GRIN2A: variants seen among roughly 807,000 people sequenced by gnomAD.
GRIN2A encodes glutamate ionotropic receptor NMDA type subunit 2A.
Under a neutral mutation model 113.4 loss-of-function variants are expected in GRIN2A, and 22 were observed. The observed-to-expected ratio is 0.19, with a 90% CI of 0.14 to 0.28. The LOEUF (loss-of-function observed/expected upper bound fraction) is 0.28. Ranked by LOEUF, GRIN2A falls within the 10% of genes least tolerant of loss-of-function variation. GRIN2A has a pLI of 1.00. For synonymous variants in GRIN2A, 827 were observed against 738.4 expected, an observed-to-expected ratio of 1.12 and a Z score of -1.94; for missense variants, 1,502 against 1,887.0, an observed-to-expected ratio of 0.80 and a Z score of 3.78.
In GRIN2A at chr16:9,909,972, C is replaced by T. The variant is rs182314387; in HGVS notation, c.1008-18872G>A. On this transcript the variant is annotated intron_variant, in intron 3 of 12. Coordinates refer to ENST00000330684, the MANE Select transcript of GRIN2A (RefSeq NM_001134407.3). ...TAAACGGAATCATACACTATGTGGCCTTTTGTGCCTGGCCTCTTTCACGTA... is the reference window on the plus strand; with the variant it reads ...TAAACGGAATCATACACTATGTGGCTTTTTGTGCCTGGCCTCTTTCACGTA... Among the ~76,000 whole-genome samples the T allele has an allele frequency of 2.6e-5, 4 of 152,140 alleles. No homozygotes were observed. The East Asian group carries it at 7.7e-4, about 29-fold the overall frequency.
chr16:10,124,970 G>A (rs1183920638), intron 2 of GRIN2A, among the ~76,000 whole-genome samples: 1 of 152,168 alleles, frequency 6.6e-6, no homozygotes, highest in Non-Finnish European at 1.5e-5. Context: ...AGGGAACCAT[G>A]AGGACAAAGC....
At chr16:9,845,085 C>T (rs2042748680) in intron 5 of GRIN2A, among the ~76,000 whole-genome samples, 1 of 152,010 alleles carries the variant, frequency 6.6e-6, no homozygotes, top group Non-Finnish European at 1.5e-5. Flanking sequence ...TTAGTGGATC[C>T]TAGCAATTCT....
At chr16:10,050,138 A>G (rs990116904) in intron 2 of GRIN2A, among the ~76,000 whole-genome samples, 1 of 152,212 alleles carries the variant, frequency 6.6e-6, no homozygotes, top group Non-Finnish European at 1.5e-5. Context: ...GTTTGGCCCA[A>G]TGTAATCAGA....
intron 2 of GRIN2A, among the ~76,000 whole-genome samples, chr16:10,113,664 C>T (rs1188414788): frequency 6.6e-6 from 1 of 152,054 alleles, no homozygotes; most frequent in Non-Finnish European, 1.5e-5. Context: ...AAATTGTGTG[C>T]AATTACAAAT....
intron 2 of GRIN2A, among the ~76,000 whole-genome samples, chr16:10,047,894 C>T (rs1199507233): frequency 4.6e-5 from 7 of 152,152 alleles, no homozygotes; most frequent in Non-Finnish European, 1.0e-4. Flanking sequence ...CAGTTCACCA[C>T]CTTGGTATCT....
intron 2 of GRIN2A, among the ~76,000 whole-genome samples, chr16:9,948,263 C>T (rs556256270): frequency 2.6e-5 from 4 of 152,198 alleles, no homozygotes; most frequent in Non-Finnish European, 5.9e-5. Flanking sequence ...TCCCATTCTA[C>T]AGTTAAGGAA....
At chr16:9,986,982 C>G (rs536239973) in intron 2 of GRIN2A, among the ~76,000 whole-genome samples, 7 of 152,206 alleles carry the variant, frequency 4.6e-5, no homozygotes, top group African/African-American at 1.7e-4. Context: ...CCTTCCAGCA[C>G]CACTGAATCA....
At chr16:10,148,298 G>A (rs2049488612) in intron 2 of GRIN2A, among the ~76,000 whole-genome samples, 1 of 152,182 alleles carries the variant, frequency 6.6e-6, no homozygotes, top group African/African-American at 2.4e-5. Context: ...CCTATGGCCT[G>A]CAAAGCCTAA....
intron 2 of GRIN2A, among the ~76,000 whole-genome samples, chr16:10,014,038 C>T (rs903353151): frequency 7.2e-5 from 11 of 152,192 alleles, no homozygotes; most frequent in Non-Finnish European, 8.8e-5. Context: ...ACTGTGACTT[C>T]GTTATTTGAT....
chr16:9,932,915 A>G (rs2044630055), intron 3 of GRIN2A, among the ~76,000 whole-genome samples: 1 of 152,094 alleles, frequency 6.6e-6, no homozygotes. Context: ...CCGTGATGCC[A>G]CTGCCTCCCA....
chr16:9,932,053 C>A (rs2044605429), intron 3 of GRIN2A, among the ~76,000 whole-genome samples: 1 of 152,186 alleles, frequency 6.6e-6, no homozygotes, highest in Non-Finnish European at 1.5e-5. Context: ...CATTGAGTCA[C>A]CCAGATCCTA....
intron 7 of GRIN2A, among the ~76,000 whole-genome samples, chr16:9,835,851 G>C (rs1220480500): frequency 1.3e-5 from 2 of 152,134 alleles, no homozygotes; most frequent in Non-Finnish European, 2.9e-5. Flanking sequence ...CTTAACTTTA[G>C]CTATATTGGA....
At chr16:9,945,850 TATC>T (rs1407272075) in intron 2 of GRIN2A, among the ~76,000 whole-genome samples, 1 of 152,158 alleles carries the variant, frequency 6.6e-6, no homozygotes, top group Non-Finnish European at 1.5e-5. Context: ...TCGTTTGCTA[TATC>T]ATTTAGTCAA....
intron 2 of GRIN2A, among the ~76,000 whole-genome samples, chr16:10,170,029 T>C (rs935260117): frequency 3.0e-4 from 46 of 152,126 alleles, no homozygotes; most frequent in African/African-American, 1.0e-3. Context: ...AGAAACCATA[T>C]CATTAACATA....
chr16:10,108,303 T>C (rs180900897), intron 2 of GRIN2A, among the ~76,000 whole-genome samples: 124 of 152,210 alleles, frequency 8.1e-4, no homozygotes, highest in African/African-American at 2.9e-3. Flanking sequence ...AACCATTGGA[T>C]CTCATGAGAC....
chr16:10,090,003 G>T (rs1005674284), intron 2 of GRIN2A, among the ~76,000 whole-genome samples: 2 of 151,990 alleles, frequency 1.3e-5, no homozygotes, highest in African/African-American at 4.8e-5. Context: ...AGACATAGAT[G>T]ATACCATGTG....
intron 2 of GRIN2A, chr16:10,112,369 G>A: frequency 1.5e-5 from 10 of 669,076 alleles, no homozygotes; most frequent in South Asian, 1.3e-4. Context: ...AGCTCTATCT[G>A]CATCACCCAG....
chr16:9,822,138 A>G, intron 10 of GRIN2A, 126 bp downstream of exon 10: 1 of 1,040,078 alleles, frequency 9.6e-7, no homozygotes, highest in Non-Finnish European at 1.5e-6. Flanking sequence ...ACTGGGGCCC[A>G]TCTGGACCAC....
chr16:9,845,223 G>A (rs772194839), intron 5 of GRIN2A, among the ~76,000 whole-genome samples: 21 of 152,132 alleles, frequency 1.4e-4, no homozygotes, highest in Admixed American at 6.5e-5. Flanking sequence ...ATTTGAACCT[G>A]TTAAGCTGTT....
Sources: gnomAD v4.1 joint callset for allele counts (sites outside exome capture counted in the v4.1 genomes callset) on GRCh38, gnomAD v4.1.1 for gene constraint, MANE v1.5 for transcripts, NCBI Gene and HGNC (gene_info 2026-07-23, HGNC 2026-07-21) for gene names.